Variants in VTA1 observed in about 807,000 individuals in gnomAD.
VTA1 encodes vacuolar protein sorting-associated protein VTA1 homolog.
A neutral mutation model predicts 36.9 loss-of-function variants in VTA1; 24 were observed. The observed-to-expected ratio is 0.65, with a 90% confidence interval of 0.47 to 0.91. VTA1 has a LOEUF of 0.91. Ranked by LOEUF, VTA1 falls within the 40% of genes least tolerant of loss-of-function variation. The pLI, the probability that VTA1 is intolerant of heterozygous loss-of-function variation, is 0.00. For missense variants in VTA1, 393 were observed against 377.2 expected, an observed-to-expected ratio of 1.04 and a Z score of -0.35; for synonymous variants, 142 against 130.2, an observed-to-expected ratio of 1.09 and a Z score of -0.62.
intron 7 of VTA1, among the ~76,000 whole-genome samples, chr6:142,206,427 T>C (rs1775791911): frequency 1.3e-5 from 2 of 151,976 alleles, no homozygotes; most frequent in Admixed American, 1.3e-4. Context: ...TGAGGAGAAC[T>C]ACAGAATGCT....
intron 4 of VTA1, among the ~76,000 whole-genome samples, chr6:142,181,989 A>T (rs773966279): frequency 6.6e-6 from 1 of 152,240 alleles, no homozygotes; most frequent in Non-Finnish European, 1.5e-5. Context: ...ATTTCTCATT[A>T]TACCACATCT....
intron 1 of VTA1, among the ~76,000 whole-genome samples, chr6:142,150,534 G>T (rs959937644): frequency 1.4e-4 from 21 of 152,210 alleles, no homozygotes; most frequent in Non-Finnish European, 2.9e-5. Flanking sequence ...ATGTTGTATT[G>T]CCTTGAAAGA....
chr6:142,168,736 A>ATATTAT (rs1312529060), intron 2 of VTA1, among the ~76,000 whole-genome samples: 1 of 135,708 alleles, frequency 7.4e-6, no homozygotes, highest in Non-Finnish European at 1.6e-5. Context: ...GCTCTGAGAG[A>ATATTAT]TATCATTATT....
rs774098368 is a variant in VTA1, at chr6:142,147,293, C to A, written c.6C>A (p.Ala2=). 4 of 1,614,044 alleles carry A rather than the reference C, an allele frequency of 2.5e-6. No individual in the cohort carries two copies. The highest frequency in any genetic ancestry group is 1.1e-5 in the South Asian group (1 of 91,088). ...GTGGTGAGTTCGGAGTAGAGATGGCCGCGCTTGCACCGCTGCCCCCGCTCC... is the reference window on the plus strand; with the variant it reads ...GTGGTGAGTTCGGAGTAGAGATGGCAGCGCTTGCACCGCTGCCCCCGCTCC... M[A]ALAPLPPLPA... The change falls in exon 1 of 8, where the codon GCC becomes GCA. Residue 2 remains alanine (A), a synonymous_variant. Coordinates refer to ENST00000367630, the MANE Select transcript of VTA1 (RefSeq NM_016485.5).
intron 6 of VTA1, among the ~76,000 whole-genome samples, chr6:142,203,253 G>A (rs577002951): frequency 2.0e-5 from 3 of 151,670 alleles, no homozygotes; most frequent in Non-Finnish European, 4.4e-5. Context: ...TTGCCTATTC[G>A]AATTCAGTGT....
chr6:142,167,166 C>T (rs1022554439), intron 2 of VTA1, among the ~76,000 whole-genome samples: 1 of 152,100 alleles, frequency 6.6e-6, no homozygotes, highest in Middle Eastern at 3.2e-3. Flanking sequence ...TAGTCACCTT[C>T]TTGAACCTAA....
chr6:142,161,817 T>G (rs1033245902), intron 1 of VTA1, among the ~76,000 whole-genome samples: 27 of 152,180 alleles, frequency 1.8e-4, no homozygotes, highest in Admixed American at 1.8e-3. Flanking sequence ...TTAGTGTACT[T>G]AAACTGAGTT....
Position 142,218,628 on chromosome 6 carries a change from G to A in VTA1, c.909G>A (p.Thr303=), listed in dbSNP as rs186856116. The change falls in exon 8 of 8, where the codon ACG becomes ACA. Residue 303 remains threonine (T), a synonymous_variant. Transcript: ENST00000367630. ...QNLQKALKLL[T]TGRE is the part of the protein sequence containing the mutation. Reference sequence around the variant, plus strand: ...TACAAAAGGCTCTCAAGTTACTGACGACAGGCAGAGAATGAAGCCTTTGTA... The same window carrying A: ...TACAAAAGGCTCTCAAGTTACTGACAACAGGCAGAGAATGAAGCCTTTGTA... The A allele has an allele frequency of 4.3e-5, 70 of 1,610,022 alleles. No homozygotes were observed. The African/African-American group carries it at 5.6e-4, about 13-fold the overall frequency.
rs1562257823 is a variant in VTA1, at chr6:142,166,307, G to A, written c.192G>A (p.Met64Ile). 1 of 1,608,936 alleles carries A rather than the reference G, an allele frequency of 6.2e-7. No homozygotes were observed. The highest frequency in any genetic ancestry group is 8.5e-7 in the Non-Finnish European group (1 of 1,176,102). ...GTCGCAAATTTTTATCAAAGTTAAT[G>A]GATCAGTTAGAAGCTGTAAGTTAAC... ...PECRKFLSKL[M>I]DQLEALKKQL... The change falls in exon 2 of 8, where the codon ATG becomes ATA. Residue 64 changes from methionine (M) to isoleucine (I), a missense_variant. Physicochemically the swap from Met to Ile is conservative, Grantham distance 10 (BLOSUM62 1). Transcript: ENST00000367630.
chr6:142,207,945 G>A (rs1273946269), intron 7 of VTA1, among the ~76,000 whole-genome samples: 1 of 151,940 alleles, frequency 6.6e-6, no homozygotes, highest in Non-Finnish European at 1.5e-5. Context: ...AAATTAGCCA[G>A]GCATGGTGGT....
intron 7 of VTA1, among the ~76,000 whole-genome samples, chr6:142,207,651 C>A (rs1412809464): frequency 6.6e-6 from 1 of 151,666 alleles, no homozygotes; most frequent in African/African-American, 2.4e-5. Flanking sequence ...ATTTGTTGAG[C>A]AAATATATGC....
At chr6:142,174,866 C>T (rs140926054) in intron 4 of VTA1, among the ~76,000 whole-genome samples, 1 of 152,146 alleles carries the variant, frequency 6.6e-6, no homozygotes, top group African/African-American at 2.4e-5. Context: ...CCTTGCGACA[C>T]GCTGGCTTCC....
intron 2 of VTA1, among the ~76,000 whole-genome samples, chr6:142,168,443 A>G (rs1240702910): frequency 6.6e-6 from 1 of 151,992 alleles, no homozygotes; most frequent in Non-Finnish European, 1.5e-5. Flanking sequence ...ACTTTATAAC[A>G]TCTTTGAAAA....
In VTA1 at chr6:142,188,225, C is replaced by CTTTTTT. The variant is rs200348683; in HGVS notation, c.412-1178_412-1173dup. ...TGCCTAGCCCTCTATTTCTTTATTT[C>CTTTTTT]TTTTTTTTTTTTTTTTTTTTTTTTT... On this transcript the variant is annotated intron_variant, in intron 4 of 7. Transcript: ENST00000367630. Among the ~76,000 whole-genome samples the CTTTTTT allele has an allele frequency of 5.1e-4, 40 of 78,970 alleles. 1 individual carries two copies. The highest frequency in any genetic ancestry group is 1.5e-3 in the South Asian group (3 of 2,038). 51.8% of individuals were successfully genotyped at this position (78,970 alleles called of 152,430 possible). A position where few individuals can be genotyped will look rare whatever the true frequency, so the allele number is the denominator to read the frequency against.
intron 1 of VTA1, among the ~76,000 whole-genome samples, chr6:142,160,408 A>G (rs1582877797): frequency 6.6e-6 from 1 of 152,142 alleles, no homozygotes; most frequent in South Asian, 2.1e-4. Context: ...TTCCCCCTGC[A>G]CACCATATGT....
At chr6:142,178,821 TA>T (rs1339542843) in intron 4 of VTA1, among the ~76,000 whole-genome samples, 1 of 151,992 alleles carries the variant, frequency 6.6e-6, no homozygotes, top group African/African-American at 2.4e-5. Flanking sequence ...GATTTTTTTT[TA>T]AAAGCAAGCC....
intron 6 of VTA1, among the ~76,000 whole-genome samples, chr6:142,202,912 C>A (rs1484079904): frequency 6.6e-6 from 1 of 151,640 alleles, no homozygotes; most frequent in African/African-American, 2.4e-5. Context: ...TTTAATAGTT[C>A]CAAAGGGTAT....
At chr6:142,210,431 ATT>A (rs2114685119) in intron 7 of VTA1, among the ~76,000 whole-genome samples, 1 of 152,342 alleles carries the variant, frequency 6.6e-6, no homozygotes, top group African/African-American at 2.4e-5. Context: ...GCCAAATGGG[ATT>A]AGATCCAGCT....
At chr6:142,154,470 C>T (rs1238775780) in intron 1 of VTA1, among the ~76,000 whole-genome samples, 1 of 152,016 alleles carries the variant, frequency 6.6e-6, no homozygotes, top group Non-Finnish European at 1.5e-5. Flanking sequence ...TTCCATTTCC[C>T]TGGGATAAAT....
Sources: allele counts gnomAD v4.1 joint callset (sites outside exome capture counted in the v4.1 genomes callset), GRCh38; gene constraint gnomAD v4.1.1; transcripts MANE v1.5; gene names NCBI Gene and HGNC (gene_info 2026-07-23, HGNC 2026-07-21).